The following EPB41L4B variants were observed in gnomAD, a reference collection of about 807,000 sequenced individuals.
EPB41L4B encodes the protein erythrocyte membrane protein band 4.1 like 4B.
EPB41L4B carries 30 observed loss-of-function variants against 112.5 expected under a neutral mutation model. That is an observed-to-expected ratio of 0.27 (90% CI 0.20 to 0.36). The LOEUF (loss-of-function observed/expected upper bound fraction) is 0.36. Among genes scored for constraint, EPB41L4B ranks in the 10% least tolerant of loss-of-function variants. EPB41L4B has a pLI of 1.00. For missense variants in EPB41L4B, 1,024 were observed against 1,133.3 expected (o/e 0.90, Z 1.38); for synonymous variants, 408 against 439.7 (o/e 0.93, Z 0.90).
chr9:109,243,242 A>T (rs1254849003), intron 15 of EPB41L4B, among the ~76,000 whole-genome samples: 1 of 148,954 alleles, frequency 6.7e-6, no homozygotes, highest in Non-Finnish European at 1.5e-5. Flanking sequence ...AAAATCCTTA[A>T]AAAAAAAAAA....
intron 1 of EPB41L4B, among the ~76,000 whole-genome samples, chr9:109,319,503 C>T (rs1237740418): frequency 1.3e-5 from 2 of 152,208 alleles, no homozygotes; most frequent in East Asian, 1.9e-4. Context: ...GCTCCCAAGT[C>T]ACCCTACCCG....
rs940996272 is a variant in EPB41L4B at position 109,201,991 on chromosome 9, C to T, written c.1947-1657G>A. ...AGAGGACTGTGGGCAGCAGTAGGCC[C>T]GGAAGACAATGAGGGCTCAAGGTAT... is the stretch of plus-strand genomic sequence containing the variant. On this transcript the variant is annotated intron_variant, in intron 19 of 25. Transcript: ENST00000374566. 5.9e-5 allele frequency among the ~76,000 whole-genome samples: 9 copies of T among 152,092 alleles called. No individual in the cohort carries two copies. The South Asian group carries it at 1.0e-3, about 18-fold the overall frequency.
chr9:109,226,796 G>T lies in EPB41L4B; in HGVS notation c.1410-9651C>A, dbSNP rs570496872. On this transcript the variant is annotated intron_variant, in intron 15 of 25. Coordinates refer to ENST00000374566, the MANE Select transcript of EPB41L4B (RefSeq NM_019114.5). ...TATATATATGAAGAATATATATGAA[G>T]AATATATATATGAAGAACATATATA... 6.9e-5 allele frequency among the ~76,000 whole-genome samples: 10 copies of T among 145,066 alleles called. No homozygotes were observed. The South Asian group carries it at 2.2e-3, about 31-fold the overall frequency.
intron 1 of EPB41L4B, chr9:109,301,070 A>G (rs1404580862): frequency 1.3e-5 from 2 of 152,212 alleles, no homozygotes; most frequent in Non-Finnish European, 2.9e-5. Flanking sequence ...CCACATCACT[A>G]ATGATATTTC....
intron 20 of EPB41L4B, 74 bp from the exon 21 acceptor site, chr9:109,194,471 G>T: frequency 6.7e-7 from 1 of 1,496,400 alleles, no homozygotes; most frequent in Non-Finnish European, 9.1e-7. Context: ...GACGGAGGAT[G>T]GGCAGGGGTG....
intron 15 of EPB41L4B, among the ~76,000 whole-genome samples, chr9:109,221,506 A>C (rs1272493294): frequency 6.6e-6 from 1 of 152,112 alleles, no homozygotes; most frequent in Non-Finnish European, 1.5e-5. Flanking sequence ...CAGCTTATTA[A>C]AGGTCTGACA....
intron 15 of EPB41L4B, among the ~76,000 whole-genome samples, chr9:109,231,735 C>T (rs866845120): frequency 1.3e-5 from 2 of 152,064 alleles, no homozygotes; most frequent in South Asian, 2.1e-4. Flanking sequence ...AAGCAGGTCC[C>T]GACATTTTTC....
intron 20 of EPB41L4B, among the ~76,000 whole-genome samples, chr9:109,198,303 T>C (rs927355288): frequency 2.6e-5 from 4 of 152,262 alleles, no homozygotes; most frequent in African/African-American, 9.6e-5. Context: ...TTCCAGGTCC[T>C]AGAGAAGAAA....
chr9:109,186,199 C>CA (rs564360488), intron 22 of EPB41L4B, among the ~76,000 whole-genome samples: 57 of 145,408 alleles, frequency 3.9e-4, no homozygotes, highest in African/African-American at 1.4e-3. Flanking sequence ...TTTCATTTCC[C>CA]TTTTTTTTTT....
intron 1 of EPB41L4B, among the ~76,000 whole-genome samples, chr9:109,314,976 C>A (rs968802083): frequency 2.6e-5 from 4 of 152,212 alleles, no homozygotes; most frequent in African/African-American, 9.7e-5. Flanking sequence ...AACACACTCA[C>A]CCAACTCCAC....
chr9:109,263,161 A>C, intron 5 of EPB41L4B, 59 bp from the exon 6 acceptor site: 9 of 1,078,126 alleles, frequency 8.3e-6, no homozygotes, highest in Non-Finnish European at 1.2e-5. Flanking sequence ...ACCATACAAA[A>C]TGTCATTAAA....
chr9:109,256,168 A>G lies in EPB41L4B; in HGVS notation c.897T>C (p.Phe299=). The G allele has an allele frequency of 1.2e-6, 2 of 1,614,180 alleles. No homozygotes were observed. Among genetic ancestry groups the G allele is most frequent in the Non-Finnish European group, 1.7e-6 (2 of 1,180,014 alleles). Residue 299 remains phenylalanine (F), a synonymous_variant, in exon 9 of 26, where the codon TTT becomes TTC. Coordinates refer to ENST00000374566, the MANE Select transcript of EPB41L4B (RefSeq NM_019114.5). ...ATAAGCCTATTTTGTTAGCTCCTTC[A>G]AAGATTAATATGCCTGTCGGGGTCA... ...LGLTPTGILI[F]EGANKIGLFF...
chr9:109,203,592 A>G, intron 19 of EPB41L4B, 71 bp downstream of exon 19: 1 of 1,247,026 alleles, frequency 8.0e-7, no homozygotes, highest in Non-Finnish European at 1.2e-6. Flanking sequence ...TGCCCTCGTG[A>G]GCAATGTTTC....
intron 23 of EPB41L4B, among the ~76,000 whole-genome samples, chr9:109,184,516 G>GAAA (rs1832184906): frequency 6.6e-6 from 1 of 152,262 alleles, no homozygotes; most frequent in South Asian, 2.1e-4. Context: ...ACTGTGCCCT[G>GAAA]CCAGAAAGTG....
intron 2 of EPB41L4B, among the ~76,000 whole-genome samples, chr9:109,273,335 C>T (rs1405931335): frequency 6.6e-6 from 1 of 152,016 alleles, no homozygotes; most frequent in Non-Finnish European, 1.5e-5. Context: ...CAACCTCTGC[C>T]TCCTGGGTTC....
chr9:109,241,151 C>T (rs1834339964), intron 15 of EPB41L4B: 2 of 985,698 alleles, frequency 2.0e-6, no homozygotes, highest in African/African-American at 3.5e-5. Flanking sequence ...TAACAAATTG[C>T]AGAATTTTAG....
chr9:109,284,871 A>T (rs991703832), intron 1 of EPB41L4B, among the ~76,000 whole-genome samples: 8 of 152,166 alleles, frequency 5.3e-5, no homozygotes, highest in Admixed American at 5.2e-4. Flanking sequence ...CACAATACCT[A>T]TTATCATGGC....
At chr9:109,231,008 A>C (rs1385946381) in intron 15 of EPB41L4B, among the ~76,000 whole-genome samples, 1 of 152,110 alleles carries the variant, frequency 6.6e-6, no homozygotes, top group Non-Finnish European at 1.5e-5. Flanking sequence ...AAAAATACAA[A>C]ATTAGCTGGG....
At chr9:109,177,390 G>T (rs766303820) in intron 24 of EPB41L4B, among the ~76,000 whole-genome samples, 1 of 152,136 alleles carries the variant, frequency 6.6e-6, no homozygotes, top group African/African-American at 2.4e-5. Context: ...TGATTCTTCT[G>T]GAGGAATTAC....
Sources: allele counts gnomAD v4.1 joint callset (sites outside exome capture counted in the v4.1 genomes callset), GRCh38; gene constraint gnomAD v4.1.1; transcripts MANE v1.5; gene names NCBI Gene and HGNC (gene_info 2026-07-23, HGNC 2026-07-21).